PDZD2: variants seen among roughly 807,000 people sequenced by gnomAD.
PDZD2 encodes PDZ domain-containing protein 2.
Under a neutral mutation model 220.7 loss-of-function variants are expected in PDZD2, and 90 were observed. The ratio of observed to expected loss-of-function variants is 0.41; its 90% CI spans 0.34 to 0.49. PDZD2 has a LOEUF of 0.49. Among genes scored for constraint, PDZD2 ranks in the 20% least tolerant of loss-of-function variants. The probability of loss-of-function intolerance (pLI) is 0.28; values close to 1 mark genes in which losing one functional copy is unlikely to be tolerated. For missense variants in PDZD2, 3,174 were observed against 3,608.5 expected (o/e 0.88, Z 3.08); for synonymous variants, 1,375 against 1,450.5 (o/e 0.95, Z 1.18).
chr5:31,689,523 A>G (rs1000978388), intron 1 of PDZD2, among the ~76,000 whole-genome samples: 2 of 151,202 alleles, frequency 1.3e-5, no homozygotes, highest in African/African-American at 4.9e-5. Flanking sequence ...TACGAGCAAA[A>G]CTATGTGTTA....
intron 6 of PDZD2, among the ~76,000 whole-genome samples, chr5:32,019,512 C>T (rs1326593035): frequency 6.6e-6 from 1 of 152,158 alleles, no homozygotes; most frequent in Non-Finnish European, 1.5e-5. Flanking sequence ...AATAGGCACA[C>T]CCAGAGGAGA....
At chr5:31,644,461 A>C (rs1745061058) in intron 1 of PDZD2, among the ~76,000 whole-genome samples, 1 of 152,212 alleles carries the variant, frequency 6.6e-6, no homozygotes, top group African/African-American at 2.4e-5. Context: ...CACTGGGAGC[A>C]TTTACAATTT....
chr5:32,052,454 A>G, intron 8 of PDZD2, 157 bp from the exon 9 acceptor site: 2 of 674,696 alleles, frequency 3.0e-6, no homozygotes, highest in South Asian at 1.8e-5. Context: ...CACCTGCGAT[A>G]GTATTTATAG....
chr5:31,942,698 T>C (rs1746307038), intron 2 of PDZD2, among the ~76,000 whole-genome samples: 1 of 151,964 alleles, frequency 6.6e-6, no homozygotes, highest in African/African-American at 2.4e-5. Flanking sequence ...TTTGTAAACA[T>C]GTGGTCCAAA....
In PDZD2 at chr5:32,010,358, TAAC is replaced by T; in HGVS notation, c.1285_1287del (p.Thr429del). 6.2e-7 allele frequency: 1 copy of T among 1,609,190 alleles called. No homozygotes were observed. Among genetic ancestry groups the T allele is most frequent in the Non-Finnish European group, 8.5e-7 (1 of 1,176,114 alleles). The stretch of plus-strand genomic sequence containing the variant: ...AACTCCGCAGAGGACCTCCTCAGGT[TAAC>T]ATCTAAGAGCTTGCCAGATCTGACC... On this transcript the variant is annotated inframe_deletion, in exon 6 of 25. Coordinates refer to ENST00000438447, the MANE Select transcript of PDZD2 (RefSeq NM_178140.4).
At chr5:31,839,110 A>G (rs572773963) in intron 2 of PDZD2, among the ~76,000 whole-genome samples, 1 of 152,308 alleles carries the variant, frequency 6.6e-6, no homozygotes, top group South Asian at 2.1e-4. Flanking sequence ...AACTGCAGAA[A>G]GACAGGAAAA....
chr5:31,655,657 T>C (rs1745520048), intron 1 of PDZD2, among the ~76,000 whole-genome samples: 2 of 152,120 alleles, frequency 1.3e-5, no homozygotes, highest in South Asian at 4.1e-4. Flanking sequence ...AAAATACTTG[T>C]CGAGAAAGTG....
chr5:31,694,324 G>A (rs537624292), intron 1 of PDZD2, among the ~76,000 whole-genome samples: 33 of 152,212 alleles, frequency 2.2e-4, no homozygotes, highest in African/African-American at 3.1e-4. Flanking sequence ...CCCAAGAGGC[G>A]GAGGTTGCAG....
chr5:31,798,117 C>G (rs1311399663), intron 1 of PDZD2, among the ~76,000 whole-genome samples: 1 of 152,100 alleles, frequency 6.6e-6, no homozygotes, highest in Non-Finnish European at 1.5e-5. Flanking sequence ...GCTGGCCCTG[C>G]TGTCTGCTGA....
chr5:32,029,048 T>G (rs575660104), intron 6 of PDZD2, among the ~76,000 whole-genome samples: 5 of 152,196 alleles, frequency 3.3e-5, no homozygotes, highest in Non-Finnish European at 7.4e-5. Context: ...ATTGTGTTTT[T>G]CAGCATCTGC....
At chr5:31,699,017 T>C (rs1418176463) in intron 1 of PDZD2, among the ~76,000 whole-genome samples, 1 of 152,196 alleles carries the variant, frequency 6.6e-6, no homozygotes. Context: ...TTGGTATTGT[T>C]GTGCGTGGAC....
intron 1 of PDZD2, among the ~76,000 whole-genome samples, chr5:31,666,002 C>T (rs965178542): frequency 6.6e-6 from 1 of 152,190 alleles, no homozygotes; most frequent in Non-Finnish European, 1.5e-5. Context: ...AACTCCAGCC[C>T]TTTGGAGGTG....
At chr5:31,973,043 C>T (rs1024340156) in intron 2 of PDZD2, among the ~76,000 whole-genome samples, 7 of 152,190 alleles carry the variant, frequency 4.6e-5, no homozygotes, top group African/African-American at 7.2e-5. Flanking sequence ...AATCAGTTCT[C>T]ATTGTTGATC....
chr5:31,824,333 C>T (rs559362066), intron 2 of PDZD2, among the ~76,000 whole-genome samples: 1 of 152,226 alleles, frequency 6.6e-6, no homozygotes, highest in East Asian at 1.9e-4. Flanking sequence ...TAATTTGTTA[C>T]GTAGCAATAG....
intron 2 of PDZD2, among the ~76,000 whole-genome samples, chr5:31,954,345 C>T (rs1747468108): frequency 1.3e-5 from 2 of 152,182 alleles, no homozygotes; most frequent in Admixed American, 1.3e-4. Flanking sequence ...TTTTAAACTG[C>T]TTTCCTCACA....
chr5:31,771,016 G>C lies in PDZD2; in HGVS notation c.-360-27873G>C, dbSNP rs183615381. On this transcript the variant is annotated intron_variant, in intron 1 of 24. Coordinates refer to ENST00000438447, the MANE Select transcript of PDZD2 (RefSeq NM_178140.4). Reference sequence around the variant, plus strand: ...TCATTAGGGAAGCTTGCTATTTATGGAAAGACTACCGTGATGCAATTTATG... The same window carrying C: ...TCATTAGGGAAGCTTGCTATTTATGCAAAGACTACCGTGATGCAATTTATG... Among the ~76,000 whole-genome samples, 3 of 152,286 alleles carry C rather than the reference G, an allele frequency of 2.0e-5. No individual in the cohort carries two copies. In the East Asian group the frequency reaches 5.8e-4, roughly 29 times the overall value.
At chr5:32,079,724 T>A (rs760590281) in intron 19 of PDZD2, among the ~76,000 whole-genome samples, 15 of 151,656 alleles carry the variant, frequency 9.9e-5, no homozygotes, top group Non-Finnish European at 1.9e-4. Context: ...GGCAGGAGAA[T>A]CGTTTAAACC....
chr5:31,956,646 C>G (rs1271678915), intron 2 of PDZD2, among the ~76,000 whole-genome samples: 3 of 149,376 alleles, frequency 2.0e-5, no homozygotes, highest in East Asian at 3.9e-4. Flanking sequence ...GTAGTCACAG[C>G]TATTCGGGAG....
intron 2 of PDZD2, among the ~76,000 whole-genome samples, chr5:31,932,647 A>G (rs1337925137): frequency 6.6e-6 from 1 of 152,210 alleles, no homozygotes; most frequent in African/African-American, 2.4e-5. Flanking sequence ...ATTTAAATGT[A>G]TAGTTTTGTG....
Sources: allele counts gnomAD v4.1 joint callset (sites outside exome capture counted in the v4.1 genomes callset), GRCh38; gene constraint gnomAD v4.1.1; transcripts MANE v1.5; gene names NCBI Gene and HGNC (gene_info 2026-07-23, HGNC 2026-07-21).